The following ACTR3 variants were observed in gnomAD, a reference collection of about 807,000 sequenced individuals.
ACTR3 encodes actin related protein 3.
A neutral mutation model predicts 56.8 loss-of-function variants in ACTR3; 12 were observed. That is an observed-to-expected ratio of 0.21 (90% CI 0.14 to 0.34). ACTR3 has a LOEUF of 0.34. Ranked by LOEUF, ACTR3 falls within the 10% of genes least tolerant of loss-of-function variation. ACTR3 has a pLI of 1.00. For synonymous variants in ACTR3, 162 were observed against 167.4 expected (o/e 0.97, Z 0.25); for missense variants, 282 against 512.5 (o/e 0.55, Z 4.34).
chr2:113,932,012 GA>G (rs771794644), intron 5 of ACTR3, among the ~76,000 whole-genome samples: 4 of 151,862 alleles, frequency 2.6e-5, no homozygotes, highest in Non-Finnish European at 5.9e-5. Flanking sequence ...TGTGGAGGAA[GA>G]AAACTAAAGC....
At chr2:113,918,558 G>T (rs55641866) in intron 3 of ACTR3, among the ~76,000 whole-genome samples, 19 of 151,512 alleles carry the variant, frequency 1.3e-4, no homozygotes, top group African/African-American at 3.6e-4. Flanking sequence ...CTAATTTTTT[G>T]TATTTTTGGT....
intron 1 of ACTR3, among the ~76,000 whole-genome samples, chr2:113,906,570 G>GT (rs1168524352): frequency 4.6e-5 from 7 of 151,476 alleles, no homozygotes; most frequent in East Asian, 1.9e-4. Flanking sequence ...TTCACCTTAT[G>GT]TTTTTTTTCT....
At chr2:113,952,078 T>A (rs1680130159) in intron 10 of ACTR3, 2 of 416,176 alleles carry the variant, frequency 4.8e-6, no homozygotes. Flanking sequence ...GTGGAAAGAC[T>A]TTTTTTTTAA....
chr2:113,956,765 T>G lies in ACTR3; in HGVS notation c.1162-595T>G, dbSNP rs562411664. On this transcript the variant is annotated intron_variant, in intron 11 of 11. Coordinates refer to ENST00000263238, the MANE Select transcript of ACTR3 (RefSeq NM_005721.5). ...ATTGAATAACTGTACAACTTTGGAT[T>G]TAAAACCATTTCCAACATAAGAGGT... Among the ~76,000 whole-genome samples the G allele has an allele frequency of 2.1e-3, 321 of 152,310 alleles. 2 individuals are homozygous for G. The highest frequency in any genetic ancestry group is 7.4e-3 in the African/African-American group (306 of 41,570).
intron 9 of ACTR3, 29 bp downstream of exon 9, chr2:113,951,600 TCTTA>T (rs1680121609): frequency 6.3e-7 from 1 of 1,583,656 alleles, no homozygotes; most frequent in Non-Finnish European, 8.7e-7. Flanking sequence ...TTATTCAAGG[TCTTA>T]CTTTAAAAAA....
At chr2:113,922,102 G>GGGCTA in intron 3 of ACTR3, among the ~76,000 whole-genome samples, 1 of 152,232 alleles carries the variant, frequency 6.6e-6, no homozygotes, top group East Asian at 1.9e-4. Context: ...AAGAGTAGTT[G>GGGCTA]GGCTAGATGA....
At position 113,960,865 on chromosome 2, in the gene ACTR3, T is replaced by C. The variant is rs1680312989; in HGVS notation, c.*3410T>C. The stretch of plus-strand genomic sequence containing the variant: ...ATCTGTGCAGACTCTGGGAGCAAAA[T>C]GTTCTACTCAGTTTGGAATACTGTG... On this transcript the variant is annotated 3_prime_UTR_variant, in exon 12 of 12. Transcript: ENST00000263238. 6.6e-6 allele frequency: 1 copy of C among 152,028 alleles called. No homozygotes were observed. The highest frequency in any genetic ancestry group is 1.5e-5 in the Non-Finnish European group (1 of 67,932). 9.4% of individuals were successfully genotyped at this position (152,028 alleles called of 1,614,324 possible).
rs765574869 is a variant in ACTR3, at chr2:113,951,700, A to G, written c.952-20A>G. ...AAACTTTTCTCTTTTTAAATATTAT[A>G]TTTATTTTCTCTCCACTAGAATATT... On this transcript the variant is annotated intron_variant, in intron 9 of 11. Coordinates refer to ENST00000263238, the MANE Select transcript of ACTR3 (RefSeq NM_005721.5). 3.9e-6 allele frequency: 6 copies of G among 1,541,274 alleles called. No homozygotes were observed. Among genetic ancestry groups the G allele is most frequent in the East Asian group, 2.4e-5 (1 of 40,968 alleles).
intron 7 of ACTR3, among the ~76,000 whole-genome samples, chr2:113,941,108 C>T (rs1311260478): frequency 6.6e-6 from 1 of 152,072 alleles, no homozygotes; most frequent in Non-Finnish European, 1.5e-5. Context: ...GCCTGGGCCT[C>T]TTTGCTTGTT....
At chr2:113,929,761 C>T (rs1454273552) in intron 4 of ACTR3, among the ~76,000 whole-genome samples, 1 of 152,046 alleles carries the variant, frequency 6.6e-6, no homozygotes, top group African/African-American at 2.4e-5. Context: ...ACTGAAACCT[C>T]CCCGCCTCCC....
chr2:113,920,185 A>G (rs1679480952), intron 3 of ACTR3, among the ~76,000 whole-genome samples: 1 of 152,164 alleles, frequency 6.6e-6, no homozygotes, highest in Admixed American at 6.5e-5. Flanking sequence ...GGCCTCCCAA[A>G]GTGCTGGGAT....
chr2:113,897,042 C>A (rs548601757), intron 1 of ACTR3, among the ~76,000 whole-genome samples: 1 of 152,330 alleles, frequency 6.6e-6, no homozygotes, highest in East Asian at 1.9e-4. Context: ...CCTTGTAATT[C>A]TGTTGGAGCT....
At chr2:113,923,684 T>C (rs1257303075) in intron 3 of ACTR3, among the ~76,000 whole-genome samples, 1 of 152,088 alleles carries the variant, frequency 6.6e-6, no homozygotes, top group African/African-American at 2.4e-5. Context: ...ATTTCTCCTT[T>C]ACCCACTACT....
At chr2:113,912,144 A>G (rs1384175527) in intron 1 of ACTR3, among the ~76,000 whole-genome samples, 3 of 151,584 alleles carry the variant, frequency 2.0e-5, no homozygotes. Context: ...CCAAAGTGCT[A>G]GTGTTACAGG....
Position 113,895,851 on chromosome 2 carries a change from A to G in ACTR3, c.44+5528A>G, listed in dbSNP as rs570968249. On this transcript the variant is annotated intron_variant, in intron 1 of 11. Transcript: ENST00000263238. ...ATCTGTAATTTGGAGATGATAGTGT[A>G]TACCTTATAGGTTTTTTTTGTTTGT... 2.7e-3 allele frequency among the ~76,000 whole-genome samples: 412 copies of G among 152,254 alleles called. 4 individuals carry two copies. The highest frequency in any genetic ancestry group is 2.6e-3 in the Non-Finnish European group (177 of 68,004).
At chr2:113,914,614 C>CAA (rs55784117) in intron 2 of ACTR3, among the ~76,000 whole-genome samples, 2,116 of 69,094 alleles carry the variant, frequency 0.031, 91 homozygotes, top group African/African-American at 0.083. Flanking sequence ...GACTCAGTCT[C>CAA]AAAAAAAAAA....
chr2:113,952,685 CCTATCCCT>C (rs567336297), intron 10 of ACTR3: 20 of 152,152 alleles, frequency 1.3e-4, no homozygotes, highest in African/African-American at 4.8e-4. Context: ...CTTGAGTAAA[CCTATCCCT>C]AGGAATGCAG....
chr2:113,959,371 A>C lies in ACTR3; in HGVS notation c.*1916A>C, dbSNP rs1237243633. On this transcript the variant is annotated 3_prime_UTR_variant, in exon 12 of 12. Coordinates refer to ENST00000263238, the MANE Select transcript of ACTR3 (RefSeq NM_005721.5). ...GATGTCATGCTCCTGGCCCAATAAA[A>C]TATTGTTAGCATTGTCATAAATATG... 1 of 152,014 alleles carries C rather than the reference A, an allele frequency of 6.6e-6. No homozygotes were observed. The highest frequency in any genetic ancestry group is 1.9e-4 in the East Asian group (1 of 5,202). 9.4% of individuals were successfully genotyped at this position (152,014 alleles called of 1,614,324 possible).
At chr2:113,938,196 G>A (rs1679862148) in intron 6 of ACTR3, among the ~76,000 whole-genome samples, 3 of 151,084 alleles carry the variant, frequency 2.0e-5, no homozygotes, top group African/African-American at 7.3e-5. Context: ...GTTCCATTTG[G>A]GTCTTTTTAT....
Sources: gnomAD v4.1 joint callset for allele counts (sites outside exome capture counted in the v4.1 genomes callset) on GRCh38, gnomAD v4.1.1 for gene constraint, MANE v1.5 for transcripts, NCBI Gene and HGNC (gene_info 2026-07-23, HGNC 2026-07-21) for gene names.